Variants in ACOX3 observed in about 807,000 individuals in gnomAD.
ACOX3 encodes acyl-CoA oxidase 3, pristanoyl, also known as peroxisomal acyl-coenzyme A oxidase 3.
ACOX3 carries 73 observed loss-of-function variants against 81.5 expected under a neutral mutation model. The observed-to-expected ratio is 0.90, with a 90% confidence interval of 0.74 to 1.09. The LOEUF (loss-of-function observed/expected upper bound fraction) is 1.09, where lower values mean the gene tolerates loss of function less well. Among genes scored for constraint, ACOX3 ranks in the 50% least tolerant of loss-of-function variants. ACOX3 has a pLI of 0.00. For missense variants in ACOX3, 947 were observed against 928.0 expected (o/e 1.02, Z -0.27); for synonymous variants, 387 against 375.1 (o/e 1.03, Z -0.37).
At chr4:8,422,142 C>CAGAGAGAGAAAGGAAAGAGAGAGAGA (rs1723015408) in intron 1 of ACOX3, among the ~76,000 whole-genome samples, 1 of 148,236 alleles carries the variant, frequency 6.7e-6, no homozygotes, top group Non-Finnish European at 1.5e-5. Context: ...GAAAGAGAAA[C>CAGAGAGAGAAAGGAAAGAGAGAGAGA]AGAGAGAGAA....
At chr4:8,408,904 TGGGGGG>T (rs1560193656) in intron 6 of ACOX3, among the ~76,000 whole-genome samples, 1 of 30,556 alleles carries the variant, frequency 3.3e-5, no homozygotes, top group Non-Finnish European at 5.6e-5. Flanking sequence ...GGGGGGGGGG[TGGGGGG>T]GGGGTGGGGG....
chr4:8,394,583 T>G lies in ACOX3; in HGVS notation c.1179+37A>C. 1 of 1,608,156 alleles carries G rather than the reference T, an allele frequency of 6.2e-7. No individual in the cohort carries two copies. Among genetic ancestry groups the G allele is most frequent in the Middle Eastern group, 1.7e-4 (1 of 6,036 alleles). On this transcript the variant is annotated intron_variant, in intron 10 of 17. Coordinates refer to ENST00000356406, the MANE Select transcript of ACOX3 (RefSeq NM_003501.3). This position sits in a 1 kb window ranked among gnomAD's most constrained non-coding sequence, Gnocchi z 5.9. ...CTATGCTGCTCCAACCGTGTGAGATTTAAACGATGCTGCTGAGGAAGCAGA... is the reference window on the plus strand; with the variant it reads ...CTATGCTGCTCCAACCGTGTGAGATGTAAACGATGCTGCTGAGGAAGCAGA...
Position 8,394,957 on chromosome 4 carries a change from G to A in ACOX3, c.1057-215C>T, listed in dbSNP as rs1200970803. The A allele has an allele frequency of 9.6e-6, 5 of 519,610 alleles. No individual in the cohort carries two copies. Among genetic ancestry groups the A allele is most frequent in the Non-Finnish European group, 1.6e-5 (5 of 304,778 alleles). 32.2% of individuals were successfully genotyped at this position (519,610 alleles called of 1,614,324 possible). Reference sequence around the variant, plus strand: ...CGGCTTTCACCCATAGCCCTTGACAGACAAGCTCAAACGCAATTCGCTAAA... The same window carrying A: ...CGGCTTTCACCCATAGCCCTTGACAAACAAGCTCAAACGCAATTCGCTAAA... On this transcript the variant is annotated intron_variant, in intron 9 of 17. Coordinates refer to ENST00000356406, the MANE Select transcript of ACOX3 (RefSeq NM_003501.3). The surrounding 1 kb of genome is among the most constrained non-coding windows in gnomAD (Gnocchi z 5.9).
rs200487031 is a variant in ACOX3, at chr4:8,397,075, C to T, written c.918G>A (p.Ser306=). 52 of 1,596,422 alleles carry T rather than the reference C, an allele frequency of 3.3e-5. No homozygotes were observed. Among genetic ancestry groups the T allele is most frequent in the African/African-American group, 2.2e-4 (16 of 73,824 alleles). ...CCAGGCTCACGATGGAGACCCGGCC[C>T]GAGGACAGGCTCCCCAGGGACGCTC... The part of the protein sequence containing the change: ...RFGASLGSLS[S]GRVSIVSLAI... Residue 306 remains serine (S), a synonymous_variant, in exon 9 of 18, where the codon TCG becomes TCA. Transcript: ENST00000356406.
In ACOX3 at chr4:8,434,182, C is replaced by T. The variant is rs1025590952; in HGVS notation, c.-15+6466G>A. Among the ~76,000 whole-genome samples the T allele has an allele frequency of 6.6e-5, 10 of 152,334 alleles. No individual in the cohort carries two copies. In the East Asian group the frequency reaches 7.7e-4, roughly 12 times the overall value. On this transcript the variant is annotated intron_variant, in intron 1 of 17. Coordinates refer to ENST00000356406, the MANE Select transcript of ACOX3 (RefSeq NM_003501.3). Reference sequence around the variant, plus strand: ...AGCTGATCCATGTAGCCCCCAGTCACGTTTCCCACACTTGCTCGATTTATC... The same window carrying T: ...AGCTGATCCATGTAGCCCCCAGTCATGTTTCCCACACTTGCTCGATTTATC...
intron 1 of ACOX3, among the ~76,000 whole-genome samples, chr4:8,435,255 C>A (rs1420497050): frequency 1.3e-5 from 2 of 152,182 alleles, no homozygotes; most frequent in Non-Finnish European, 2.9e-5. Context: ...CTTTGGGAGG[C>A]CGAGGCGGGC....
Position 8,373,600 on chromosome 4 carries a change from T to C in ACOX3, c.1857A>G (p.Gly619=). 1 of 1,613,130 alleles carries C rather than the reference T, an allele frequency of 6.2e-7. No individual in the cohort carries two copies. Among genetic ancestry groups the C allele is most frequent in the Non-Finnish European group, 8.5e-7 (1 of 1,179,580 alleles). The change falls in exon 16 of 18, where the codon GGA becomes GGG. Residue 619 remains glycine (G), a synonymous_variant. Transcript: ENST00000356406. ...RGGYFSGEQA[G]EVLESAVLAL... ...CCAGGACGGCGCTCTCCAACACTTC[T>C]CCCGCCTGCTCACCGGAGAAGTATC...
intron 9 of ACOX3, among the ~76,000 whole-genome samples, chr4:8,396,399 G>A (rs1339842938): frequency 1.3e-5 from 2 of 152,180 alleles, no homozygotes. Context: ...CTTTCTGGCC[G>A]GGCACAGTGA....
intron 1 of ACOX3, among the ~76,000 whole-genome samples, chr4:8,421,991 G>A (rs908434246): frequency 5.3e-5 from 8 of 152,216 alleles, no homozygotes; most frequent in Admixed American, 3.9e-4. Flanking sequence ...CTGTGTCTAC[G>A]ACAACAGAAT....
intron 10 of ACOX3, among the ~76,000 whole-genome samples, chr4:8,393,557 A>G (rs9291392): frequency 2.7e-5 from 4 of 149,666 alleles, no homozygotes; most frequent in African/African-American, 1.0e-4. Flanking sequence ...AGAATTTTTA[A>G]TTTTAAAAAA....
intron 13 of ACOX3, among the ~76,000 whole-genome samples, chr4:8,387,504 T>C (rs1204507746): frequency 1.3e-5 from 2 of 152,150 alleles, no homozygotes; most frequent in East Asian, 1.9e-4. Context: ...AATAGGTGCT[T>C]TGGTGGCAAA....
At chr4:8,359,033 T>C in the ACOX3 span, among the ~76,000 whole-genome samples, 8 of 152,152 alleles carry the variant, frequency 5.3e-5, no homozygotes, top group African/African-American at 1.7e-4. This position sits in a 1 kb window ranked among gnomAD's most constrained non-coding sequence, Gnocchi z 6.0. Flanking sequence ...GAAAGAACCA[T>C]AGTGTGGAAA....
At position 8,407,471 on chromosome 4, in the gene ACOX3, G is replaced by A. The variant is rs531663848; in HGVS notation, c.688-1428C>T. The stretch of plus-strand genomic sequence containing the variant: ...GGATCCTCCCCTAGAGCCTTTAAAG[G>A]GAATGCCGCCCTAAAGATTCCTCAA... On this transcript the variant is annotated intron_variant, in intron 6 of 17. Coordinates refer to ENST00000356406, the MANE Select transcript of ACOX3 (RefSeq NM_003501.3). The surrounding 1 kb of genome is among the most constrained non-coding windows in gnomAD (Gnocchi z 4.6). Among the ~76,000 whole-genome samples, 1 of 152,302 alleles carries A rather than the reference G, an allele frequency of 6.6e-6. No homozygotes were observed. Among genetic ancestry groups the A allele is most frequent in the African/African-American group, 2.4e-5 (1 of 41,556 alleles).
At chr4:8,360,575 C>T in the ACOX3 span, among the ~76,000 whole-genome samples, 1 of 151,688 alleles carries the variant, frequency 6.6e-6, no homozygotes, top group African/African-American at 2.4e-5. Context: ...GGGTTCATGC[C>T]ATTCTCCTGC....
rs567020475 is a variant in ACOX3 at position 8,370,035 on chromosome 4, C to T, written c.1983+873G>A. On this transcript the variant is annotated intron_variant, in intron 17 of 17. Coordinates refer to ENST00000356406, the MANE Select transcript of ACOX3 (RefSeq NM_003501.3). The surrounding 1 kb of genome is among the most constrained non-coding windows in gnomAD (Gnocchi z 6.3). The stretch of plus-strand genomic sequence containing the variant: ...ATCAGGTGGGAGGGAGACACAAGGT[C>T]AGTGATGAGGCCAGCAAGGGCAGCA... Among the ~76,000 whole-genome samples the T allele has an allele frequency of 1.7e-4, 26 of 152,220 alleles. No homozygotes were observed. Among genetic ancestry groups the T allele is most frequent in the Non-Finnish European group, 3.7e-4 (25 of 68,042 alleles).
Position 8,399,787 on chromosome 4 carries a change from T to G in ACOX3, c.777-135A>C, listed in dbSNP as rs1449307145. 1.4e-6 allele frequency: 1 copy of G among 717,944 alleles called. No individual in the cohort carries two copies. Among genetic ancestry groups the G allele is most frequent in the Non-Finnish European group, 2.3e-6 (1 of 425,824 alleles). The allele number at this position is 717,944 out of a possible 1,614,324, so 44.5% of individuals were successfully genotyped here. A position where few individuals can be genotyped will look rare whatever the true frequency, so the allele number is the denominator to read the frequency against. ...GCAGAGGGCAAGTAGACAGGAACAT[T>G]CAACCAACTTTCTATTCAAAAAAGT... On this transcript the variant is annotated intron_variant, in intron 7 of 17. Transcript: ENST00000356406. This position sits in a 1 kb window ranked among gnomAD's most constrained non-coding sequence, Gnocchi z 4.9.
At position 8,394,765 on chromosome 4, in the gene ACOX3, G is replaced by A. The variant is rs771902694; in HGVS notation, c.1057-23C>T. 3.1e-6 allele frequency: 5 copies of A among 1,605,768 alleles called. No individual in the cohort carries two copies. Among genetic ancestry groups the A allele is most frequent in the Middle Eastern group, 1.7e-4 (1 of 5,814 alleles). On this transcript the variant is annotated intron_variant, in intron 9 of 17. Coordinates refer to ENST00000356406, the MANE Select transcript of ACOX3 (RefSeq NM_003501.3). This position sits in a 1 kb window ranked among gnomAD's most constrained non-coding sequence, Gnocchi z 5.9. ...TTGCTAGAACAGACAAGACACCTGC[G>A]TGAACACATCGTGGTTCCCATGAAG...
chr4:8,373,284 C>G (rs1161290769), intron 16 of ACOX3, among the ~76,000 whole-genome samples: 1 of 151,672 alleles, frequency 6.6e-6, no homozygotes, highest in Non-Finnish European at 1.5e-5. Context: ...TTACTAAACA[C>G]TGAACACACG....
intron 1 of ACOX3, chr4:8,439,140 C>A (rs1382978349): frequency 1.3e-5 from 2 of 152,128 alleles, no homozygotes; most frequent in Admixed American, 1.3e-4. Context: ...AGGTAAGGAC[C>A]TCTTTTGTCC....
Sources: allele counts gnomAD v4.1 joint callset (sites outside exome capture counted in the v4.1 genomes callset), GRCh38; gene constraint gnomAD v4.1.1; non-coding constraint Gnocchi (gnomAD v3.1); transcripts MANE v1.5; gene names NCBI Gene and HGNC (gene_info 2026-07-23, HGNC 2026-07-21).